Variants in GBE1 observed in about 807,000 individuals in gnomAD.
GBE1 encodes the protein 1,4-alpha-glucan-branching enzyme.
A neutral mutation model predicts 88.8 loss-of-function variants in GBE1; 70 were observed. The ratio of observed to expected loss-of-function variants is 0.79; its 90% CI spans 0.65 to 0.96. The LOEUF (loss-of-function observed/expected upper bound fraction) is 0.96, where lower values mean the gene tolerates loss of function less well. Ranked by LOEUF, GBE1 falls within the 40% of genes least tolerant of loss-of-function variation. The pLI, the probability that GBE1 is intolerant of heterozygous loss-of-function variation, is 0.00. For synonymous variants in GBE1, 284 were observed against 300.1 expected, an observed-to-expected ratio of 0.95 and a Z score of 0.56; for missense variants, 872 against 871.0, an observed-to-expected ratio of 1.00 and a Z score of -0.01.
chr3:81,535,434 T>G lies in GBE1; in HGVS notation c.1804-109A>C, dbSNP rs545487783. 5.1e-6 allele frequency: 5 copies of G among 989,468 alleles called. 1 individual carries two copies. In the African/African-American group the frequency reaches 6.7e-5, roughly 13 times the overall value. The allele number at this position is 989,468 out of a possible 1,614,324, so 61.3% of individuals were successfully genotyped here. ...CTGGTTATTAAACCAAAAATGAGTA[T>G]TTCAGAACACTATATTTTTTTGAAC... On this transcript the variant is annotated intron_variant, in intron 13 of 15. Transcript: ENST00000429644.
intron 7 of GBE1, chr3:81,612,380 T>G: frequency 1.2e-6 from 1 of 803,694 alleles, no homozygotes; most frequent in South Asian, 1.3e-5. Context: ...ACCACGCTCA[T>G]TAGGATGAAA....
At chr3:81,603,879 C>G (rs1348804750) in intron 7 of GBE1, among the ~76,000 whole-genome samples, 1 of 152,126 alleles carries the variant, frequency 6.6e-6, no homozygotes, top group East Asian at 1.9e-4. Context: ...AATGATTTTA[C>G]TATATTCTAC....
At chr3:81,591,280 T>C (rs2106952702) in intron 8 of GBE1, 116 bp from the exon 9 acceptor site, 1 of 747,516 alleles carries the variant, frequency 1.3e-6, no homozygotes, top group Non-Finnish European at 2.0e-6. Flanking sequence ...AGCAGTTTAA[T>C]AACATAAGCA....
chr3:81,539,381 G>C (rs757618691), intron 12 of GBE1, among the ~76,000 whole-genome samples: 1 of 151,970 alleles, frequency 6.6e-6, no homozygotes, highest in African/African-American at 2.4e-5. Flanking sequence ...GTGGTAAGGA[G>C]ATAAAGCAGG....
At chr3:81,517,921 CA>C (rs1478970157) in intron 14 of GBE1, among the ~76,000 whole-genome samples, 4 of 151,358 alleles carry the variant, frequency 2.6e-5, no homozygotes, top group Non-Finnish European at 5.9e-5. Flanking sequence ...ATACTCCTAT[CA>C]GAGATTTAGC....
chr3:81,760,779 C>T (rs779595605), intron 1 of GBE1, among the ~76,000 whole-genome samples: 3 of 152,134 alleles, frequency 2.0e-5, no homozygotes, highest in Non-Finnish European at 1.5e-5. Context: ...TGTTGATGTA[C>T]ATTTAACTTC....
chr3:81,703,206 G>C (rs1396465614), intron 2 of GBE1, among the ~76,000 whole-genome samples: 1 of 152,008 alleles, frequency 6.6e-6, no homozygotes, highest in African/African-American at 2.4e-5. Flanking sequence ...CAGTCACTTA[G>C]AGAAGATGGG....
At chr3:81,652,769 G>A (rs1310461398) in intron 3 of GBE1, among the ~76,000 whole-genome samples, 1 of 152,118 alleles carries the variant, frequency 6.6e-6, no homozygotes, top group African/African-American at 2.4e-5. Context: ...CCAAATAAGA[G>A]TATCATAATA....
intron 7 of GBE1, among the ~76,000 whole-genome samples, chr3:81,608,817 A>G (rs1489613336): frequency 6.6e-6 from 1 of 152,184 alleles, no homozygotes; most frequent in Non-Finnish European, 1.5e-5. Flanking sequence ...AGGGTAGTCA[A>G]AATCTTTACT....
chr3:81,529,287 G>A (rs1702985303), intron 14 of GBE1, among the ~76,000 whole-genome samples: 1 of 151,830 alleles, frequency 6.6e-6, no homozygotes, highest in African/African-American at 2.4e-5. Flanking sequence ...CTTTTTGTTT[G>A]TATTTATATC....
chr3:81,753,702 C>T (rs1706563473), intron 1 of GBE1, among the ~76,000 whole-genome samples: 1 of 152,106 alleles, frequency 6.6e-6, no homozygotes, highest in Non-Finnish European at 1.5e-5. Context: ...AGCCTGTTGA[C>T]CATCACTGTA....
chr3:81,695,047 G>A (rs568089279), intron 2 of GBE1, among the ~76,000 whole-genome samples: 1 of 152,238 alleles, frequency 6.6e-6, no homozygotes, highest in African/African-American at 2.4e-5. Context: ...CAGAAAAATC[G>A]TGAATATTCC....
At chr3:81,704,757 T>G (rs1705748413) in intron 2 of GBE1, among the ~76,000 whole-genome samples, 1 of 152,138 alleles carries the variant, frequency 6.6e-6, no homozygotes, top group Non-Finnish European at 1.5e-5. Flanking sequence ...GTCATCATTC[T>G]AGTAATGTAT....
rs142167918 is a variant in GBE1, at chr3:81,598,068, C to A, written c.993-4045G>T. 3.9e-4 allele frequency among the ~76,000 whole-genome samples: 59 copies of A among 152,010 alleles called. 1 individual carries two copies. Among genetic ancestry groups the A allele is most frequent in the African/African-American group, 1.1e-3 (47 of 41,550 alleles). On this transcript the variant is annotated intron_variant, in intron 7 of 15. Transcript: ENST00000429644. ...TAATGACATTTATTTAATGACATTA[C>A]ATTTTGTAATCCAAGCTTATTTGCC...
At chr3:81,594,185 CAGTT>C (rs1040944816) in intron 7 of GBE1, among the ~76,000 whole-genome samples, 162 bp from the exon 8 acceptor site, 13 of 152,050 alleles carry the variant, frequency 8.5e-5, no homozygotes, top group East Asian at 1.9e-4. Flanking sequence ...ACAAGAATCT[CAGTT>C]GGTTGATGAA....
At chr3:81,606,830 T>C (rs1011842287) in intron 7 of GBE1, among the ~76,000 whole-genome samples, 7 of 152,208 alleles carry the variant, frequency 4.6e-5, no homozygotes, top group Admixed American at 2.6e-4. Context: ...TCGTGGTTTA[T>C]TATTATTTAC....
chr3:81,533,192 A>G (rs1559636504), intron 14 of GBE1, among the ~76,000 whole-genome samples: 1 of 152,110 alleles, frequency 6.6e-6, no homozygotes, highest in African/African-American at 2.4e-5. Flanking sequence ...GGTTTAGTCT[A>G]GGAGCATTAC....
At chr3:81,580,365 T>C (rs1224011961) in intron 11 of GBE1, among the ~76,000 whole-genome samples, 1 of 152,144 alleles carries the variant, frequency 6.6e-6, no homozygotes, top group East Asian at 1.9e-4. Flanking sequence ...ACTTGGAGGA[T>C]GGGACAACTA....
At position 81,591,058 on chromosome 3, in the gene GBE1, G is replaced by A. The variant is rs373029683; in HGVS notation, c.1215C>T (p.Pro405=). The A allele has an allele frequency of 9.9e-6, 16 of 1,608,730 alleles. No individual in the cohort carries two copies. The highest frequency in any genetic ancestry group is 6.7e-5 in the Admixed American group (4 of 59,528). ...LANHLVHTLC[P]DSITIAEDVS... ...TTACCTCAGCTATTGTTATAGAATC[G>A]GGACACAGCGTGTGAACCAAATGAT... is the stretch of plus-strand genomic sequence containing the variant. Residue 405 remains proline, a synonymous_variant, in exon 9 of 16, where the codon CCC becomes CCT. Coordinates refer to ENST00000429644, the MANE Select transcript of GBE1 (RefSeq NM_000158.4).
Sources: gnomAD v4.1 joint callset for allele counts (sites outside exome capture counted in the v4.1 genomes callset) on GRCh38, gnomAD v4.1.1 for gene constraint, MANE v1.5 for transcripts, NCBI Gene and HGNC (gene_info 2026-07-23, HGNC 2026-07-21) for gene names.